Variants in CEP83 observed in about 807,000 individuals in gnomAD.
CEP83 encodes centrosomal protein 83, also known as centrosomal protein of 83 kDa.
Under a neutral mutation model 101.9 loss-of-function variants are expected in CEP83, and 70 were observed. That is an observed-to-expected ratio of 0.69 (90% CI 0.57 to 0.84). The LOEUF (loss-of-function observed/expected upper bound fraction) is 0.84. CEP83 is among the 40% of genes least tolerant of loss of function. The probability of loss-of-function intolerance (pLI) is 0.00; values close to 1 mark genes in which losing one functional copy is unlikely to be tolerated. For missense variants in CEP83, 715 were observed against 787.2 expected (o/e 0.91, Z 1.10); for synonymous variants, 264 against 267.9 (o/e 0.99, Z 0.14).
chr12:94,376,048 A>C, intron 7 of CEP83, 31 bp from the exon 8 acceptor site: 1 of 1,383,458 alleles, frequency 7.2e-7, no homozygotes, highest in Admixed American at 2.5e-5. Context: ...TTTAAAATTC[A>C]TCATTTTTCA....
At chr12:94,384,989 G>C (rs1301171568) in intron 6 of CEP83, among the ~76,000 whole-genome samples, 1 of 152,178 alleles carries the variant, frequency 6.6e-6, no homozygotes, top group African/African-American at 2.4e-5. Flanking sequence ...GGGGAATTAA[G>C]TTATGAGACT....
chr12:94,335,502 G>A, intron 12 of CEP83, 87 bp downstream of exon 12: 1 of 796,934 alleles, frequency 1.3e-6, no homozygotes, highest in Non-Finnish European at 2.1e-6. Flanking sequence ...TAAAAATACT[G>A]ATGGCAAAAT....
chr12:94,295,822 G>A, the CEP83 span, among the ~76,000 whole-genome samples: 1 of 152,136 alleles, frequency 6.6e-6, no homozygotes, highest in Non-Finnish European at 1.5e-5. Context: ...TCAACTCTGT[G>A]TTGTCCATAA....
intron 11 of CEP83, among the ~76,000 whole-genome samples, chr12:94,350,367 AC>A (rs2060144230): frequency 6.6e-6 from 1 of 152,216 alleles, no homozygotes; most frequent in African/African-American, 2.4e-5. Flanking sequence ...TGACAAGAGT[AC>A]CAAGGTCATT....
intron 13 of CEP83, among the ~76,000 whole-genome samples, chr12:94,332,900 A>C (rs2059284808): frequency 6.6e-6 from 1 of 152,084 alleles, no homozygotes; most frequent in African/African-American, 2.4e-5. Flanking sequence ...ACATGTTATA[A>C]AGACAAAGCA....
chr12:94,339,899 G>A (rs1449705247), intron 11 of CEP83, among the ~76,000 whole-genome samples: 1 of 152,196 alleles, frequency 6.6e-6, no homozygotes, highest in East Asian at 1.9e-4. Flanking sequence ...CCACAGCCCT[G>A]CCTGGTCCTT....
chr12:94,286,616 CAAAAAA>C, the CEP83 span, among the ~76,000 whole-genome samples: 26 of 101,406 alleles, frequency 2.6e-4, no homozygotes, highest in South Asian at 3.7e-4. Context: ...TGCTTAAAAG[CAAAAAA>C]AAAAAAAAAA....
chr12:94,305,517 C>T (rs973981667), downstream of CEP83: 1 of 452,318 alleles, frequency 2.2e-6, no homozygotes, highest in African/African-American at 2.0e-5. Flanking sequence ...GTGGTTGTTG[C>T]AAACAGCCTC....
intron 1 of CEP83, among the ~76,000 whole-genome samples, chr12:94,458,162 A>T (rs1198808619): frequency 6.6e-6 from 1 of 151,266 alleles, no homozygotes; most frequent in Non-Finnish European, 1.5e-5. Flanking sequence ...CCACCACTGC[A>T]CTCCAGCCTG....
At chr12:94,423,136 G>A (rs2064898382) in intron 2 of CEP83, among the ~76,000 whole-genome samples, 1 of 151,882 alleles carries the variant, frequency 6.6e-6, no homozygotes, top group African/African-American at 2.4e-5. Flanking sequence ...CCAGGCTGGA[G>A]TGCAATGGCG....
chr12:94,343,120 CAT>C (rs140745114), intron 11 of CEP83, among the ~76,000 whole-genome samples: 12,598 of 146,650 alleles, frequency 0.086, 634 homozygotes, highest in African/African-American at 0.14. Flanking sequence ...TATAGAACTT[CAT>C]ATATATATAT....
At chr12:94,329,395 T>C (rs1593184617) in intron 14 of CEP83, among the ~76,000 whole-genome samples, 1 of 152,266 alleles carries the variant, frequency 6.6e-6, no homozygotes, top group Middle Eastern at 3.4e-3. Context: ...GCCTTCCAAG[T>C]AGCTGGGACT....
In CEP83 at chr12:94,376,339, T is replaced by C. The variant is rs577310185; in HGVS notation, c.802-322A>G. Among the ~76,000 whole-genome samples the C allele has an allele frequency of 2.6e-5, 4 of 152,240 alleles. No individual in the cohort carries two copies. In the South Asian group the frequency reaches 8.3e-4, roughly 32 times the overall value. On this transcript the variant is annotated intron_variant, in intron 7 of 16. Coordinates refer to ENST00000397809, the MANE Select transcript of CEP83 (RefSeq NM_016122.3). ...TATTTACTCTTAACACTGACTTATT[T>C]CAAACATTTTGGAAGTTTCCAGTCT...
chr12:94,411,764 A>T lies in CEP83; in HGVS notation c.257T>A (p.Leu86His), dbSNP rs199598238. The T allele has an allele frequency of 2.7e-4, 435 of 1,611,952 alleles. No homozygotes were observed. The highest frequency in any genetic ancestry group is 3.5e-4 in the Non-Finnish European group (414 of 1,178,530). Residue 86 changes from leucine to histidine, a missense_variant, in exon 4 of 17, where the codon CTC becomes CAC. By Grantham distance (99) the Leu-to-His change is moderately conservative (BLOSUM62 -3). Coordinates refer to ENST00000397809, the MANE Select transcript of CEP83 (RefSeq NM_016122.3). ...EKQTQQEKLQ[L>H]LLEELRGELV... ...TTCTCCTCTTAGTTCTTCAAGCAGG[A>T]GCTGAAGTTTTTCCTGCTGAGTTTG... is the stretch of plus-strand genomic sequence containing the variant.
Position 94,449,780 on chromosome 12 carries a change from A to T in CEP83, c.-155+9777T>A, listed in dbSNP as rs1293625713. ...AGAGCAAGAGTCTGTCTCAAACAATAAAAAAAAAAAAAAAAAAAAAAAAAA... is the reference window on the plus strand; with the variant it reads ...AGAGCAAGAGTCTGTCTCAAACAATTAAAAAAAAAAAAAAAAAAAAAAAAA... On this transcript the variant is annotated intron_variant, in intron 1 of 16. Coordinates refer to ENST00000397809, the MANE Select transcript of CEP83 (RefSeq NM_016122.3). Among the ~76,000 whole-genome samples, 7 of 53,162 alleles carry T rather than the reference A, an allele frequency of 1.3e-4. No individual in the cohort carries two copies. In the East Asian group the frequency reaches 1.6e-3, roughly 13 times the overall value. 34.9% of individuals were successfully genotyped at this position (53,162 alleles called of 152,430 possible). A position where few individuals can be genotyped will look rare whatever the true frequency, so the allele number is the denominator to read the frequency against.
chr12:94,281,731 C>T, the CEP83 span: 1 of 153,188 alleles, frequency 6.5e-6, no homozygotes, highest in African/African-American at 2.4e-5. Context: ...TATGTGCAAT[C>T]TTTTAATCTT....
chr12:94,316,457 AC>A (rs879522491), intron 14 of CEP83, among the ~76,000 whole-genome samples: 2 of 152,234 alleles, frequency 1.3e-5, no homozygotes, highest in South Asian at 2.1e-4. Flanking sequence ...TATTCTTAAA[AC>A]TTTTTTTAGG....
At chr12:94,423,608 A>T in intron 2 of CEP83, 1 of 1,542,756 alleles carries the variant, frequency 6.5e-7, no homozygotes, top group Non-Finnish European at 8.7e-7. Flanking sequence ...GCCTGTGAAA[A>T]ACGATGGCTA....
chr12:94,385,868 A>C (rs1488455904), intron 6 of CEP83, among the ~76,000 whole-genome samples: 2 of 152,312 alleles, frequency 1.3e-5, no homozygotes, highest in South Asian at 2.1e-4. Context: ...TTTACTGTTT[A>C]AACCTTTTCT....
Sources: gnomAD v4.1 joint callset for allele counts (sites outside exome capture counted in the v4.1 genomes callset) on GRCh38, gnomAD v4.1.1 for gene constraint, MANE v1.5 for transcripts, NCBI Gene and HGNC (gene_info 2026-07-23, HGNC 2026-07-21) for gene names.